Variants in TTLL5 observed in about 807,000 individuals in gnomAD.
TTLL5 encodes tubulin tyrosine ligase like 5, also known as tubulin polyglutamylase TTLL5.
In TTLL5, 132 loss-of-function variants were observed where a neutral mutation model predicts 168.4. The ratio of observed to expected loss-of-function variants is 0.78; its 90% confidence interval spans 0.68 to 0.91. The LOEUF (loss-of-function observed/expected upper bound fraction) is 0.91. TTLL5 is among the 40% of genes least tolerant of loss of function. The probability of loss-of-function intolerance (pLI) is 0.00; values close to 1 mark genes in which losing one functional copy is unlikely to be tolerated. For missense variants in TTLL5, 1,545 were observed against 1,581.5 expected (o/e 0.98, Z 0.39); for synonymous variants, 546 against 558.6 (o/e 0.98, Z 0.32).
At chr14:75,922,855 G>A (rs1036777514) in intron 31 of TTLL5, among the ~76,000 whole-genome samples, 1 of 152,058 alleles carries the variant, frequency 6.6e-6, no homozygotes, top group Non-Finnish European at 1.5e-5. Context: ...AGTCCGACAG[G>A]TCCTGGACTT....
intron 9 of TTLL5, chr14:75,712,426 A>G (rs1444603561): frequency 2.1e-5 from 3 of 144,782 alleles, no homozygotes; most frequent in Non-Finnish European, 4.5e-5. Flanking sequence ...TTAAGCTTCT[A>G]CATCTAGAAT....
chr14:75,882,684 G>A lies in TTLL5; in HGVS notation c.3523-1G>A. The A allele has an allele frequency of 6.3e-7, 1 of 1,597,494 alleles. No homozygotes were observed. Among genetic ancestry groups the A allele is most frequent in the Non-Finnish European group, 8.5e-7 (1 of 1,173,522 alleles). Reference sequence around the variant, plus strand: ...TCATTTTTTTCCTTTTTTTTTTGTAGGCAATCTTTGGCAGCCAGACACTAC... The same window carrying A: ...TCATTTTTTTCCTTTTTTTTTTGTAAGCAATCTTTGGCAGCCAGACACTAC... On this transcript the variant is annotated splice_acceptor_variant, in intron 29 of 31. Coordinates refer to ENST00000298832, the MANE Select transcript of TTLL5 (RefSeq NM_015072.5). LOFTEE classifies it high-confidence loss of function.
At chr14:75,720,420 T>C (rs937815015) in intron 11 of TTLL5, among the ~76,000 whole-genome samples, 176 bp from the exon 12 acceptor site, 5 of 152,246 alleles carry the variant, frequency 3.3e-5, no homozygotes, top group African/African-American at 7.2e-5. Flanking sequence ...CATTCTTGAC[T>C]GTATTGATCT....
intron 28 of TTLL5, among the ~76,000 whole-genome samples, chr14:75,846,019 A>G (rs975804382): frequency 1.3e-5 from 2 of 152,266 alleles, no homozygotes; most frequent in Non-Finnish European, 2.9e-5. Flanking sequence ...AGCATTACAA[A>G]TATCTTTACC....
At chr14:75,900,859 G>A (rs1027523677) in intron 30 of TTLL5, among the ~76,000 whole-genome samples, 1 of 152,192 alleles carries the variant, frequency 6.6e-6, no homozygotes, top group African/African-American at 2.4e-5. Flanking sequence ...ATAACACTGT[G>A]TGCTTTTTCT....
At chr14:75,950,117 C>T (rs1389620914) in intron 31 of TTLL5, among the ~76,000 whole-genome samples, 1 of 152,108 alleles carries the variant, frequency 6.6e-6, no homozygotes, top group African/African-American at 2.4e-5. Context: ...AAACCTAAAA[C>T]TGGTCTATAT....
chr14:75,709,986 T>C (rs566733910), intron 9 of TTLL5: 2 of 152,206 alleles, frequency 1.3e-5, no homozygotes, highest in Admixed American at 6.5e-5. Context: ...CTTTCTCTCT[T>C]TTGTGTTATG....
At chr14:75,735,358 G>T in intron 15 of TTLL5, 69 bp downstream of exon 15, 2 of 1,482,580 alleles carry the variant, frequency 1.3e-6, no homozygotes, top group South Asian at 1.1e-5. Context: ...GTAACTGTGG[G>T]AGCAGAAGCA....
At chr14:75,764,922 C>T (rs1403738907) in intron 19 of TTLL5, 150 bp downstream of exon 19, 5 of 915,976 alleles carry the variant, frequency 5.5e-6, no homozygotes, top group South Asian at 2.0e-5. Flanking sequence ...TTAATTTCAA[C>T]AAAGTCTTAA....
At position 75,714,012 on chromosome 14, in the gene TTLL5, C is replaced by T. The variant is rs377548046; in HGVS notation, c.741-3849C>T. Among the ~76,000 whole-genome samples, 46 of 151,706 alleles carry T rather than the reference C, an allele frequency of 3.0e-4. No homozygotes were observed. In the South Asian group the frequency reaches 8.3e-3, roughly 28 times the overall value. ...TCAAGGATCACATGTTGTATTTAGC[C>T]GTCGGGTCTCCGTAGTCTCCTTCAG... is the stretch of plus-strand genomic sequence containing the variant. On this transcript the variant is annotated intron_variant, in intron 9 of 31. Transcript: ENST00000298832.
At chr14:75,889,270 T>C (rs534527058) in intron 30 of TTLL5, among the ~76,000 whole-genome samples, 2 of 152,100 alleles carry the variant, frequency 1.3e-5, no homozygotes, top group Non-Finnish European at 2.9e-5. Context: ...AAGATAAAAC[T>C]GATGACAGAA....
chr14:75,675,428 T>C (rs1019228179), intron 3 of TTLL5, among the ~76,000 whole-genome samples: 7 of 152,234 alleles, frequency 4.6e-5, no homozygotes, highest in African/African-American at 1.7e-4. Flanking sequence ...TTTCATTTGC[T>C]CTGCTGTGGT....
intron 12 of TTLL5, among the ~76,000 whole-genome samples, chr14:75,731,382 C>T (rs922939790): frequency 5.7e-4 from 15 of 26,456 alleles, no homozygotes; most frequent in Admixed American, 9.6e-4. Flanking sequence ...CATACACACA[C>T]ACACACACAC....
chr14:75,838,442 G>C (rs571736969), intron 28 of TTLL5: 1 of 151,928 alleles, frequency 6.6e-6, no homozygotes, highest in Non-Finnish European at 1.5e-5. Context: ...GACACCTGTA[G>C]TCCCAGCTAC....
At chr14:75,774,722 T>G (rs1891615053) in intron 21 of TTLL5, among the ~76,000 whole-genome samples, 2 of 152,164 alleles carry the variant, frequency 1.3e-5, no homozygotes, top group Non-Finnish European at 2.9e-5. Flanking sequence ...GGAATCTTGC[T>G]TTGTCGCCTA....
In TTLL5 at chr14:75,940,075, ATC is replaced by A. The variant is rs564018687; in HGVS notation, c.3824-14347_3824-14346del. Among the ~76,000 whole-genome samples, 3 of 128,534 alleles carry A rather than the reference ATC, an allele frequency of 2.3e-5. No individual in the cohort carries two copies. In the Admixed American group the frequency reaches 3.0e-4, roughly 13 times the overall value. The allele number at this position is 128,534 out of a possible 152,430, so 84.3% of individuals were successfully genotyped here. On this transcript the variant is annotated intron_variant, in intron 31 of 31. Coordinates refer to ENST00000298832, the MANE Select transcript of TTLL5 (RefSeq NM_015072.5). ...CCAGAGCTCCCTATAAAGAAATTAA[ATC>A]TTTTTTTTTTTTTTTTTTTTTTGAG...
At chr14:75,718,135 T>C (rs1887592467) in intron 10 of TTLL5, among the ~76,000 whole-genome samples, 173 bp downstream of exon 10, 1 of 152,202 alleles carries the variant, frequency 6.6e-6, no homozygotes, top group African/African-American at 2.4e-5. Context: ...CTGCTGCTTC[T>C]CCATTGCCTC....
Position 75,699,247 on chromosome 14 carries a change from C to T in TTLL5, c.562C>T (p.Arg188Trp), listed in dbSNP as rs773542134. The change falls in exon 7 of 32, where the codon CGG becomes TGG. Residue 188 changes from arginine to tryptophan, a missense_variant. Coordinates refer to ENST00000298832, the MANE Select transcript of TTLL5 (RefSeq NM_015072.5). ...IVKPVASSRG[R>W]GVYLINNPNQ... ...AAAACCAGTGGCATCTTCAAGGGGG[C>T]GGGGCGTCTACCTGATCAACAATGT... is the stretch of plus-strand genomic sequence containing the variant. 5.0e-5 allele frequency: 80 copies of T among 1,613,700 alleles called. No homozygotes were observed. The Admixed American group carries it at 8.0e-4, about 16-fold the overall frequency.
intron 6 of TTLL5, among the ~76,000 whole-genome samples, chr14:75,698,678 G>C (rs1886039014): frequency 1.3e-5 from 2 of 152,128 alleles, no homozygotes; most frequent in South Asian, 4.1e-4. Flanking sequence ...TGAGGTGGGA[G>C]GATTGCTTGA....
Sources: gnomAD v4.1 joint callset for allele counts (sites outside exome capture counted in the v4.1 genomes callset) on GRCh38, gnomAD v4.1.1 for gene constraint, MANE v1.5 for transcripts, NCBI Gene and HGNC (gene_info 2026-07-23, HGNC 2026-07-21) for gene names.